Variants in LARGE1 observed in about 807,000 individuals in gnomAD.
LARGE1 encodes the protein xylosyl- and glucuronyltransferase LARGE1.
Under a neutral mutation model 87.6 loss-of-function variants are expected in LARGE1, and 43 were observed. The observed-to-expected ratio is 0.49, with a 90% CI of 0.38 to 0.63. The LOEUF is 0.63. LARGE1 is among the 30% of genes least tolerant of loss of function. LARGE1 has a pLI of 0.00. For missense variants in LARGE1, 802 were observed against 1,000.2 expected, an observed-to-expected ratio of 0.80 and a Z score of 2.67; for synonymous variants, 434 against 394.6, an observed-to-expected ratio of 1.10 and a Z score of -1.18.
At chr22:33,910,183 G>A (rs1176179983) in intron 1 of LARGE1, among the ~76,000 whole-genome samples, 1 of 152,138 alleles carries the variant, frequency 6.6e-6, no homozygotes, top group Non-Finnish European at 1.5e-5. Context: ...CTCCAACTAT[G>A]TCCCTCGAGG....
intron 5 of LARGE1, among the ~76,000 whole-genome samples, chr22:33,579,265 T>C (rs528451768): frequency 6.6e-6 from 1 of 152,222 alleles, no homozygotes; most frequent in Middle Eastern, 3.2e-3. Flanking sequence ...GGAGTTCCCC[T>C]GCACAAGCTC....
chr22:33,741,187 T>C (rs1301878733), intron 2 of LARGE1, among the ~76,000 whole-genome samples: 1 of 152,340 alleles, frequency 6.6e-6, no homozygotes, highest in African/African-American at 2.4e-5. Flanking sequence ...CGCTGCAACA[T>C]TATAAGCACT....
Position 33,396,463 on chromosome 22 carries a change from C to CAGAGAGAGAGAGAGAGAGAGAG in LARGE1, c.893-12181_893-12160dup, listed in dbSNP as rs3071529. ...ACAGAGTGAGAGACAGAGAGAGTGA[C>CAGAGAGAGAGAGAGAGAGAGAG]AGAGAGAGAGAGAGAGAGAGAGAGA... On this transcript the variant is annotated intron_variant, in intron 7 of 14. Transcript: ENST00000397394. Among the ~76,000 whole-genome samples, 114 of 104,708 alleles carry CAGAGAGAGAGAGAGAGAGAGAG rather than the reference C, an allele frequency of 1.1e-3. 4 individuals carry two copies. The highest frequency in any genetic ancestry group is 3.9e-3 in the South Asian group (11 of 2,810). 68.7% of individuals were successfully genotyped at this position (104,708 alleles called of 152,430 possible). A position where few individuals can be genotyped will look rare whatever the true frequency, so the allele number is the denominator to read the frequency against.
At chr22:33,592,281 CA>C (rs1440036044) in intron 5 of LARGE1, among the ~76,000 whole-genome samples, 1 of 151,952 alleles carries the variant, frequency 6.6e-6, no homozygotes, top group Non-Finnish European at 1.5e-5. Flanking sequence ...AATTTTTTCC[CA>C]TGTGGCTATC....
At chr22:33,279,211 T>A (rs1033732322) in intron 13 of LARGE1, among the ~76,000 whole-genome samples, 5 of 152,038 alleles carry the variant, frequency 3.3e-5, no homozygotes, top group Middle Eastern at 3.4e-3. Context: ...GGGCATCTAG[T>A]GAAGGACTAG....
chr22:33,610,924 C>G (rs943856583), intron 4 of LARGE1, among the ~76,000 whole-genome samples: 1 of 152,240 alleles, frequency 6.6e-6, no homozygotes, highest in East Asian at 1.9e-4. Context: ...ACATCTCAGG[C>G]TGCAGCTTCA....
intron 1 of LARGE1, among the ~76,000 whole-genome samples, chr22:33,765,566 A>G (rs1279318470): frequency 5.3e-5 from 8 of 151,868 alleles, no homozygotes; most frequent in Non-Finnish European, 1.0e-4. Context: ...TTAGCTGGGC[A>G]TGGTGGTGGG....
At chr22:33,386,559 A>G (rs565583490) in intron 7 of LARGE1, among the ~76,000 whole-genome samples, 2 of 149,098 alleles carry the variant, frequency 1.3e-5, no homozygotes, top group African/African-American at 4.9e-5. Flanking sequence ...GCATTTGCCA[A>G]TTGCCAAGGT....
chr22:33,357,337 T>C (rs977377531), intron 9 of LARGE1, among the ~76,000 whole-genome samples: 4 of 149,940 alleles, frequency 2.7e-5, no homozygotes, highest in South Asian at 2.1e-4. Context: ...ATAACAGACA[T>C]TGGAGACTCT....
chr22:33,826,206 A>C (rs1477541927), intron 1 of LARGE1, among the ~76,000 whole-genome samples: 1 of 152,176 alleles, frequency 6.6e-6, no homozygotes, highest in East Asian at 1.9e-4. Flanking sequence ...CAGGGACTCC[A>C]GGGAAAACAC....
chr22:33,687,259 T>A (rs910318835), intron 2 of LARGE1, among the ~76,000 whole-genome samples: 6 of 151,450 alleles, frequency 4.0e-5, no homozygotes, highest in African/African-American at 1.5e-4. Context: ...CCTCTCCAAG[T>A]GTTAGGATTA....
At chr22:33,103,866 A>G in the LARGE1 span, among the ~76,000 whole-genome samples, 1 of 152,160 alleles carries the variant, frequency 6.6e-6, no homozygotes, top group Non-Finnish European at 1.5e-5. Flanking sequence ...GGTAGTGAAT[A>G]TGTCTCACGA....
At chr22:33,486,537 A>C (rs1455015582) in intron 6 of LARGE1, among the ~76,000 whole-genome samples, 1 of 152,134 alleles carries the variant, frequency 6.6e-6, no homozygotes, top group Non-Finnish European at 1.5e-5. Flanking sequence ...AGACAGAGAG[A>C]GAGAGAGAGG....
intron 6 of LARGE1, among the ~76,000 whole-genome samples, chr22:33,450,683 T>G (rs8140536): frequency 0.33 from 50,296 of 151,968 alleles, 9,045 homozygotes; most frequent in African/African-American, 0.46. Context: ...GAAAAAAACC[T>G]TAATACTCAT....
At chr22:33,316,568 C>T (rs553397781) in intron 10 of LARGE1, among the ~76,000 whole-genome samples, 2 of 152,154 alleles carry the variant, frequency 1.3e-5, no homozygotes, top group Non-Finnish European at 2.9e-5. Flanking sequence ...AGGCAAAACC[C>T]TGTCTCTACT....
chr22:33,691,260 G>A (rs1234561117), intron 2 of LARGE1, among the ~76,000 whole-genome samples: 1 of 152,046 alleles, frequency 6.6e-6, no homozygotes, highest in African/African-American at 2.4e-5. Flanking sequence ...GACATTTTGA[G>A]GGAGGGAGGA....
At chr22:33,869,752 C>T (rs1322400660) in intron 1 of LARGE1, among the ~76,000 whole-genome samples, 1 of 152,160 alleles carries the variant, frequency 6.6e-6, no homozygotes, top group Non-Finnish European at 1.5e-5. Context: ...ACCAGGAAAA[C>T]TACATAATTC....
At chr22:33,686,561 A>G (rs1465101016) in intron 2 of LARGE1, among the ~76,000 whole-genome samples, 5 of 42,794 alleles carry the variant, frequency 1.2e-4, no homozygotes, top group African/African-American at 2.4e-4. Context: ...AAAAAAAAAA[A>G]AAAAACAAAA....
chr22:33,381,903 C>A lies in LARGE1; in HGVS notation c.1131+16G>T, dbSNP rs1229244909. 1 of 1,613,888 alleles carries A rather than the reference C, an allele frequency of 6.2e-7. No individual in the cohort carries two copies. Among genetic ancestry groups the A allele is most frequent in the Admixed American group, 1.7e-5 (1 of 60,018 alleles). ...ACCTCACCCTACCTCCAGGGATGTCCCTGTGTTGACCCTACCTTTAGATCA... is the reference window on the plus strand; with the variant it reads ...ACCTCACCCTACCTCCAGGGATGTCACTGTGTTGACCCTACCTTTAGATCA... On this transcript the variant is annotated intron_variant, in intron 9 of 14. Coordinates refer to ENST00000397394, the MANE Select transcript of LARGE1 (RefSeq NM_133642.5).
Sources: allele counts gnomAD v4.1 joint callset (sites outside exome capture counted in the v4.1 genomes callset), GRCh38; gene constraint gnomAD v4.1.1; transcripts MANE v1.5; gene names NCBI Gene and HGNC (gene_info 2026-07-23, HGNC 2026-07-21).